The following NHEJ1 variants were observed in gnomAD, a reference collection of about 807,000 sequenced individuals.
NHEJ1 encodes the protein non-homologous end joining factor 1, also known as non-homologous end-joining factor 1.
A neutral mutation model predicts 39.4 loss-of-function variants in NHEJ1; 22 were observed. The ratio of observed to expected loss-of-function variants is 0.56; its 90% CI spans 0.40 to 0.80. The LOEUF (loss-of-function observed/expected upper bound fraction) is 0.80, where lower values mean the gene tolerates loss of function less well. Ranked by LOEUF, NHEJ1 falls within the 30% of genes least tolerant of loss-of-function variation. NHEJ1 has a pLI of 0.00. For missense variants in NHEJ1, 329 were observed against 357.1 expected (o/e 0.92, Z 0.63); for synonymous variants, 154 against 135.6 (o/e 1.14, Z -0.94).
intron 6 of NHEJ1, 141 bp downstream of exon 6, chr2:219,077,948 A>C (rs1305002135): frequency 1.4e-6 from 1 of 706,130 alleles, no homozygotes; most frequent in Non-Finnish European, 2.5e-6. Flanking sequence ...GCAAAAGAGA[A>C]AATGCATTTT....
chr2:219,117,570 A>G (rs2106342995), intron 5 of NHEJ1, among the ~76,000 whole-genome samples: 1 of 152,394 alleles, frequency 6.6e-6, no homozygotes, highest in South Asian at 2.1e-4. Context: ...TCAGAGAACC[A>G]TGTGGAAATG....
chr2:219,077,222 T>A, intron 7 of NHEJ1, 24 bp downstream of exon 7: 1 of 1,566,862 alleles, frequency 6.4e-7, no homozygotes, highest in South Asian at 1.1e-5. Context: ...CAGAACACCA[T>A]CCAGGAAGCT....
intron 5 of NHEJ1, among the ~76,000 whole-genome samples, chr2:219,122,022 A>G (rs1949476192): frequency 6.6e-6 from 1 of 152,150 alleles, no homozygotes; most frequent in South Asian, 2.1e-4. Flanking sequence ...ATCTTTCAAG[A>G]AAAAAGGTGG....
intron 5 of NHEJ1, among the ~76,000 whole-genome samples, chr2:219,089,096 G>A (rs1227683180): frequency 3.3e-5 from 5 of 152,164 alleles, no homozygotes; most frequent in Admixed American, 1.3e-4. Flanking sequence ...TCGGATTACA[G>A]GCATGAGCCA....
intron 3 of NHEJ1, among the ~76,000 whole-genome samples, chr2:219,155,648 C>A (rs891835565): frequency 6.6e-6 from 1 of 152,042 alleles, no homozygotes; most frequent in Non-Finnish European, 1.5e-5. Context: ...CAGGGCCGGG[C>A]GCAGTGGCTC....
intron 5 of NHEJ1, among the ~76,000 whole-genome samples, chr2:219,079,451 A>G (rs1273299957): frequency 6.6e-6 from 1 of 152,220 alleles, no homozygotes; most frequent in Non-Finnish European, 1.5e-5. Flanking sequence ...AAGTGTGAGA[A>G]GCAGGAAAGC....
At chr2:219,139,221 G>A (rs1054248564) in intron 5 of NHEJ1, among the ~76,000 whole-genome samples, 3 of 152,050 alleles carry the variant, frequency 2.0e-5, no homozygotes. Context: ...CTGAGTAGCT[G>A]GGATTACAGG....
chr2:219,143,031 TC>T (rs908427270), intron 5 of NHEJ1, among the ~76,000 whole-genome samples: 1 of 152,148 alleles, frequency 6.6e-6, no homozygotes, highest in Non-Finnish European at 1.5e-5. Context: ...TGGCCTACTG[TC>T]CCCTGTGCCT....
rs568764800 is a variant in NHEJ1, at chr2:219,156,345, C to T, written c.390+1127G>A. Among the ~76,000 whole-genome samples the T allele has an allele frequency of 5.9e-5, 9 of 152,356 alleles. No homozygotes were observed. The South Asian group carries it at 1.7e-3, about 28-fold the overall frequency. ...ATCTATTGATGCCAAAGCATCACATCCCCTGTGGGAAACTAAAGAAGAGAG... is the reference window on the plus strand; with the variant it reads ...ATCTATTGATGCCAAAGCATCACATTCCCTGTGGGAAACTAAAGAAGAGAG... On this transcript the variant is annotated intron_variant, in intron 3 of 7. Transcript: ENST00000356853.
intron 1 of NHEJ1, among the ~76,000 whole-genome samples, chr2:219,159,954 T>G (rs181939191): frequency 8.6e-5 from 13 of 151,828 alleles, no homozygotes; most frequent in Non-Finnish European, 1.6e-4. Context: ...GTTTAAAATG[T>G]GGCCAGGAGT....
Position 219,072,130 on chromosome 2 carries a change from C to T in NHEJ1, c.*4251G>A, listed in dbSNP as rs1038214687. Among the ~76,000 whole-genome samples the T allele has an allele frequency of 6.6e-6, 1 of 152,218 alleles. No homozygotes were observed. The highest frequency in any genetic ancestry group is 1.5e-5 in the Non-Finnish European group (1 of 68,042). ...CACATAAGACAAGCTACCTCATACCCTCCATGCACTGGATGTTCCGCTCAT... is the reference window on the plus strand; with the variant it reads ...CACATAAGACAAGCTACCTCATACCTTCCATGCACTGGATGTTCCGCTCAT... On this transcript the variant is annotated 3_prime_UTR_variant, in exon 8 of 8. Coordinates refer to ENST00000356853, the MANE Select transcript of NHEJ1 (RefSeq NM_024782.3).
At chr2:219,091,249 C>A (rs551852695) in intron 5 of NHEJ1, among the ~76,000 whole-genome samples, 2 of 152,208 alleles carry the variant, frequency 1.3e-5, no homozygotes, top group African/African-American at 2.4e-5. Context: ...GTTCAAAAAG[C>A]CAGAAGCTGA....
intron 3 of NHEJ1, among the ~76,000 whole-genome samples, chr2:219,156,569 T>C (rs917781738): frequency 6.6e-6 from 1 of 152,232 alleles, no homozygotes; most frequent in African/African-American, 2.4e-5. Context: ...TAGAGGATAT[T>C]ATCCCCCTAG....
intron 5 of NHEJ1, among the ~76,000 whole-genome samples, chr2:219,126,918 T>C (rs897306237): frequency 2.0e-5 from 3 of 152,180 alleles, no homozygotes; most frequent in East Asian, 3.9e-4. Flanking sequence ...TAGCAACTGA[T>C]AGCAGTTCAC....
At chr2:219,152,931 C>T (rs1473548537) in intron 3 of NHEJ1, among the ~76,000 whole-genome samples, 1 of 151,976 alleles carries the variant, frequency 6.6e-6, no homozygotes, top group Non-Finnish European at 1.5e-5. Flanking sequence ...GCCTCCTGAG[C>T]AGCTGAGATT....
At chr2:219,112,643 G>T (rs569000502) in intron 5 of NHEJ1, among the ~76,000 whole-genome samples, 1 of 152,188 alleles carries the variant, frequency 6.6e-6, no homozygotes, top group Non-Finnish European at 1.5e-5. Context: ...GGTTGCAAAA[G>T]GTCCAGATAT....
At chr2:219,130,109 G>A (rs369300658) in intron 5 of NHEJ1, among the ~76,000 whole-genome samples, 7 of 147,982 alleles carry the variant, frequency 4.7e-5, no homozygotes, top group Non-Finnish European at 7.4e-5. Context: ...AAAAGGCTCC[G>A]TCCCACAAAA....
intron 5 of NHEJ1, among the ~76,000 whole-genome samples, chr2:219,124,224 G>C (rs1949496170): frequency 6.6e-6 from 1 of 152,094 alleles, no homozygotes; most frequent in African/African-American, 2.4e-5. Context: ...GTAGGGAAGA[G>C]GAATAAAGAA....
intron 5 of NHEJ1, among the ~76,000 whole-genome samples, chr2:219,135,826 T>C (rs1051769730): frequency 1.3e-5 from 2 of 152,012 alleles, no homozygotes; most frequent in African/African-American, 2.4e-5. Flanking sequence ...AGAAAACAAA[T>C]AAATAAATAA....
Sources: gnomAD v4.1 joint callset for allele counts (sites outside exome capture counted in the v4.1 genomes callset) on GRCh38, gnomAD v4.1.1 for gene constraint, MANE v1.5 for transcripts, NCBI Gene and HGNC (gene_info 2026-07-23, HGNC 2026-07-21) for gene names.